The following CORO7 variants were observed in gnomAD, a reference collection of about 807,000 sequenced individuals.
CORO7 encodes the protein coronin-7.
CORO7 carries 107 observed loss-of-function variants against 126.6 expected under a neutral mutation model. That is an observed-to-expected ratio of 0.85 (90% CI 0.72 to 0.99). CORO7 has a LOEUF of 0.99. Ranked by LOEUF, CORO7 falls within the 50% of genes least tolerant of loss-of-function variation. The probability of loss-of-function intolerance (pLI) is 0.00; values close to 1 mark genes in which losing one functional copy is unlikely to be tolerated. For synonymous variants in CORO7, 603 were observed against 536.8 expected (o/e 1.12, Z -1.70); for missense variants, 1,314 against 1,255.8 (o/e 1.05, Z -0.70).
intron 9 of CORO7, chr16:4,380,821 A>G: frequency 2.8e-6 from 4 of 1,426,170 alleles, no homozygotes; most frequent in South Asian, 1.5e-5. Context: ...TCTGCCTTCT[A>G]GGCCCCTGAC....
In CORO7 at chr16:4,358,010, G is replaced by A. The variant is rs1400725402; in HGVS notation, c.2551C>T (p.Gln851Ter). 1.2e-6 allele frequency: 2 copies of A among 1,612,094 alleles called. No individual in the cohort carries two copies. Among genetic ancestry groups the A allele is most frequent in the Non-Finnish European group, 1.7e-6 (2 of 1,178,762 alleles). Residue 851 changes from glutamine to a stop codon, truncating the protein, a stop_gained, in exon 25 of 28, where the codon CAG becomes TAG. Transcript: ENST00000251166. LOFTEE classifies it high-confidence loss of function. ...AEAWLQGANGQPWLLSLQPPD... is the reference protein window; with the variant it reads ...AEAWLQGANG ...GGCTGCAGGCTGAGAAGCCAGGGCT[G>A]CCCATTAGCGCCTTGCAGCCAGGCC...
intron 6 of CORO7, among the ~76,000 whole-genome samples, chr16:4,403,869 G>A (rs1026446661): frequency 2.4e-4 from 36 of 152,166 alleles, no homozygotes; most frequent in African/African-American, 7.7e-4. Flanking sequence ...TGCCTGGGAC[G>A]CCCGTCCCCT....
intron 26 of CORO7, 44 bp from the exon 27 acceptor site, chr16:4,355,416 C>T (rs1482781105): frequency 1.3e-6 from 2 of 1,559,252 alleles, no homozygotes; most frequent in Non-Finnish European, 1.7e-6. Context: ...GAATAGGACT[C>T]CCTGTTCCCT....
chr16:4,389,483 A>C (rs1057282861), intron 7 of CORO7, among the ~76,000 whole-genome samples: 8 of 152,184 alleles, frequency 5.3e-5, no homozygotes, highest in Non-Finnish European at 1.5e-5. Flanking sequence ...TCTCCTTGGG[A>C]ATGAATGAGG....
rs1425219562 is a variant in CORO7 at position 4,355,204 on chromosome 16, C to T, written c.2773-41G>A. 3.2e-6 allele frequency: 5 copies of T among 1,578,432 alleles called. No individual in the cohort carries two copies. The Admixed American group carries it at 5.2e-5, about 17-fold the overall frequency. ...AAGAGGTGGGAGGGAGTCAGGAGGG[C>T]CTGGGAAGGGAGGAGGCATGCACCG... On this transcript the variant is annotated intron_variant, in intron 27 of 27. Transcript: ENST00000251166.
At chr16:4,416,310 G>A (rs2056409954) in intron 1 of CORO7, 149 bp downstream of exon 1, 1 of 1,173,250 alleles carries the variant, frequency 8.5e-7, no homozygotes, top group Non-Finnish European at 1.1e-6. Context: ...CCCGGACGCC[G>A]GGGCCCTGGC....
Position 4,381,610 on chromosome 16 carries a change from C to T in CORO7, c.785+6376G>A, listed in dbSNP as rs761908726. ...AGGCCTCCGGGGCCTGACGCGCCTG[C>T]GGCTGGCCGGCAACACCCGCATTGC... is the stretch of plus-strand genomic sequence containing the variant. On this transcript the variant is annotated intron_variant, in intron 9 of 27. Transcript: ENST00000251166. The T allele has an allele frequency of 1.8e-5, 29 of 1,597,038 alleles. No individual in the cohort carries two copies. The highest frequency in any genetic ancestry group is 9.4e-5 in the African/African-American group (7 of 74,572).
Position 4,366,338 on chromosome 16 carries a change from C to A in CORO7, c.786-793G>T, listed in dbSNP as rs1284429446. Among the ~76,000 whole-genome samples the A allele has an allele frequency of 4.0e-5, 6 of 151,826 alleles. No individual in the cohort carries two copies. In the East Asian group the frequency reaches 9.6e-4, roughly 24 times the overall value. On this transcript the variant is annotated intron_variant, in intron 9 of 27. Transcript: ENST00000251166. ...CCTGCCACTCTATGTCCAGCTCAGC[C>A]TTGGCCAACTGCCTGTCACTGGCCG...
At chr16:4,396,998 AGAGT>A (rs1340446995) in intron 6 of CORO7, among the ~76,000 whole-genome samples, 5 of 149,030 alleles carry the variant, frequency 3.4e-5, no homozygotes, top group African/African-American at 1.2e-4. Flanking sequence ...CCTGGGCAAC[AGAGT>A]GAGACTCAAT....
At chr16:4,357,132 T>C (rs2053999933) in intron 26 of CORO7, 36 bp downstream of exon 26, 1 of 1,612,444 alleles carries the variant, frequency 6.2e-7, no homozygotes, top group Non-Finnish European at 8.5e-7. Flanking sequence ...GCCAGGACTC[T>C]GTCACCTCCG....
At chr16:4,381,687 T>C (rs2054976347) in intron 9 of CORO7, 1 of 1,607,726 alleles carries the variant, frequency 6.2e-7, no homozygotes, top group African/African-American at 1.3e-5. Context: ...AGGAGCTGGA[T>C]GTGAGCAACC....
At chr16:4,401,243 G>A (rs1256308802) in intron 6 of CORO7, among the ~76,000 whole-genome samples, 1 of 152,244 alleles carries the variant, frequency 6.6e-6, no homozygotes, top group East Asian at 1.9e-4. Context: ...AAGAGGTGGA[G>A]AAAGGAACTT....
chr16:4,413,431 T>G (rs1015754817), intron 1 of CORO7, 27 bp from the exon 2 acceptor site: 1 of 1,551,620 alleles, frequency 6.4e-7, no homozygotes, highest in South Asian at 1.2e-5. Context: ...AAGAAGTATG[T>G]GGTGAGAGCC....
In CORO7 at chr16:4,373,999, G is replaced by A. The variant is rs369462073; in HGVS notation, c.786-8454C>T. Among the ~76,000 whole-genome samples the A allele has an allele frequency of 4.6e-5, 7 of 152,312 alleles. 1 individual carries two copies. Among genetic ancestry groups the A allele is most frequent in the African/African-American group, 1.7e-4 (7 of 41,572 alleles). On this transcript the variant is annotated intron_variant, in intron 9 of 27. Transcript: ENST00000251166. Reference sequence around the variant, plus strand: ...CTTAGAGTCCCCTCCCTGGGCTGGGGAGCCCAAGGCTCTGTGCTGCCAAGA... The same window carrying A: ...CTTAGAGTCCCCTCCCTGGGCTGGGAAGCCCAAGGCTCTGTGCTGCCAAGA...
chr16:4,391,687 C>T (rs749410237), intron 7 of CORO7, among the ~76,000 whole-genome samples: 2 of 152,234 alleles, frequency 1.3e-5, no homozygotes, highest in African/African-American at 2.4e-5. Context: ...GCCGTGTTGG[C>T]GCCACTGCAC....
chr16:4,405,760 C>A (rs961389961), intron 5 of CORO7, among the ~76,000 whole-genome samples, 193 bp from the exon 6 acceptor site: 2 of 150,192 alleles, frequency 1.3e-5, no homozygotes, highest in African/African-American at 4.8e-5. Context: ...CTTCACCCCA[C>A]CTTTGTGCAG....
intron 9 of CORO7, among the ~76,000 whole-genome samples, chr16:4,375,047 T>G (rs1294812161): frequency 6.6e-6 from 1 of 152,130 alleles, no homozygotes; most frequent in Non-Finnish European, 1.5e-5. Flanking sequence ...CTAGTTGGGC[T>G]GCAGCCACTG....
At chr16:4,386,792 G>A (rs186959565) in intron 9 of CORO7, among the ~76,000 whole-genome samples, 64 of 152,270 alleles carry the variant, frequency 4.2e-4, no homozygotes, top group East Asian at 1.7e-3. Context: ...GGGAAAGGGC[G>A]TCACTGTCAC....
intron 6 of CORO7, among the ~76,000 whole-genome samples, chr16:4,400,803 T>TAATAATAAC (rs1223817569): frequency 1.4e-5 from 2 of 146,958 alleles, no homozygotes; most frequent in African/African-American, 2.5e-5. Context: ...AGTGCAATAA[T>TAATAATAAC]AATAATAATA....
Sources: gnomAD v4.1 joint callset for allele counts (sites outside exome capture counted in the v4.1 genomes callset) on GRCh38, gnomAD v4.1.1 for gene constraint, MANE v1.5 for transcripts, NCBI Gene and HGNC (gene_info 2026-07-23, HGNC 2026-07-21) for gene names.